The following DLG2 variants were observed in gnomAD, a reference collection of about 807,000 sequenced individuals.
DLG2 encodes disks large homolog 2.
Under a neutral mutation model 132.5 loss-of-function variants are expected in DLG2, and 45 were observed. That is an observed-to-expected ratio of 0.34 (90% CI 0.27 to 0.44). DLG2 has a LOEUF of 0.44. Ranked by LOEUF, DLG2 falls within the 20% of genes least tolerant of loss-of-function variation. The pLI is 1.00. For synonymous variants in DLG2, 424 were observed against 419.6 expected (o/e 1.01, Z -0.13); for missense variants, 1,045 against 1,196.9 (o/e 0.87, Z 1.87).
At chr11:83,870,779 C>T (rs553884545) in intron 16 of DLG2, among the ~76,000 whole-genome samples, 1 of 152,308 alleles carries the variant, frequency 6.6e-6, no homozygotes, top group South Asian at 2.1e-4. Flanking sequence ...TCTGTTGTCA[C>T]TACCCTAACG....
intron 6 of DLG2, among the ~76,000 whole-genome samples, chr11:84,752,193 T>C (rs1030943788): frequency 6.6e-6 from 1 of 152,194 alleles, no homozygotes; most frequent in African/African-American, 2.4e-5. Context: ...TTGGATCACT[T>C]AACCTCTTCA....
intron 4 of DLG2, among the ~76,000 whole-genome samples, chr11:85,279,651 C>T (rs545892537): frequency 1.3e-5 from 2 of 151,850 alleles, no homozygotes; most frequent in African/African-American, 2.4e-5. Context: ...CAAATCCATA[C>T]GAAGTAATTA....
chr11:85,258,407 C>T (rs776475923), intron 4 of DLG2, among the ~76,000 whole-genome samples: 20 of 151,994 alleles, frequency 1.3e-4, no homozygotes, highest in Admixed American at 2.6e-4. Context: ...AAATATTCAA[C>T]TCAAAGTATT....
At chr11:83,739,191 T>C (rs1489403697) in intron 18 of DLG2, among the ~76,000 whole-genome samples, 2 of 152,164 alleles carry the variant, frequency 1.3e-5, no homozygotes, top group Non-Finnish European at 2.9e-5. Context: ...TGGGTTAAGA[T>C]AATTTGAATC....
At chr11:85,096,674 G>C (rs936218681) in intron 6 of DLG2, among the ~76,000 whole-genome samples, 2 of 151,888 alleles carry the variant, frequency 1.3e-5, no homozygotes, top group Non-Finnish European at 2.9e-5. Context: ...ACATTTTGGC[G>C]ACCATGAAGG....
chr11:84,558,738 C>G (rs139669688), intron 6 of DLG2, among the ~76,000 whole-genome samples: 2 of 152,154 alleles, frequency 1.3e-5, no homozygotes, highest in Non-Finnish European at 2.9e-5. Context: ...TCCACCTACG[C>G]CAAATTCCGT....
intron 19 of DLG2, among the ~76,000 whole-genome samples, chr11:83,595,631 C>G (rs555786986): frequency 6.6e-6 from 1 of 152,198 alleles, no homozygotes; most frequent in South Asian, 2.1e-4. Flanking sequence ...GTTACTGATG[C>G]GGTCTCAGGC....
rs139986778 is a variant in DLG2, at chr11:84,768,598, C to G, written c.358-233867G>C. Among the ~76,000 whole-genome samples the G allele has an allele frequency of 9.4e-4, 143 of 152,172 alleles. 1 individual carries two copies. Among genetic ancestry groups the G allele is most frequent in the African/African-American group, 3.2e-3 (133 of 41,512 alleles). ...TATATTCATTGGTATATGTCTACCC[C>G]TACATGCAGTGCTAGGTGGATTCAT... On this transcript the variant is annotated intron_variant, in intron 6 of 27. Coordinates refer to ENST00000376104, the MANE Select transcript of DLG2 (RefSeq NM_001142699.3).
At chr11:84,643,283 A>G (rs1248098384) in intron 6 of DLG2, among the ~76,000 whole-genome samples, 1 of 152,160 alleles carries the variant, frequency 6.6e-6, no homozygotes, top group South Asian at 2.1e-4. Context: ...ATGAAGATGT[A>G]ACTTTCTAAA....
At chr11:84,239,084 T>C (rs1339883814) in intron 8 of DLG2, among the ~76,000 whole-genome samples, 1 of 152,218 alleles carries the variant, frequency 6.6e-6, no homozygotes, top group African/African-American at 2.4e-5. Context: ...ACAGTCAAAT[T>C]CAAATAAACA....
At chr11:85,369,683 G>A (rs11234335) in intron 3 of DLG2, among the ~76,000 whole-genome samples, 21,060 of 152,130 alleles carry the variant, frequency 0.14, 1,993 homozygotes, top group Non-Finnish European at 0.21. Flanking sequence ...GCTTGGCAAG[G>A]CTTTGTTTAG....
chr11:84,157,949 T>C (rs1278438912), intron 9 of DLG2, among the ~76,000 whole-genome samples: 3 of 152,160 alleles, frequency 2.0e-5, no homozygotes, highest in Admixed American at 2.0e-4. Flanking sequence ...AATGTCACCA[T>C]GATAACATAA....
Position 83,494,158 on chromosome 11 carries a change from G to C in DLG2, c.2194-9930C>G, listed in dbSNP as rs187781562. ...ACCTGTCACATCATCAAGCTGCTCT[G>C]GCAGGTATTACAGGAACTCAGAGCT... is the stretch of plus-strand genomic sequence containing the variant. On this transcript the variant is annotated intron_variant, in intron 21 of 27. Transcript: ENST00000376104. Among the ~76,000 whole-genome samples, 29 of 151,960 alleles carry C rather than the reference G, an allele frequency of 1.9e-4. No homozygotes were observed. The East Asian group carries it at 4.8e-3, about 25-fold the overall frequency.
chr11:84,532,522 G>A (rs1439316338), intron 7 of DLG2, among the ~76,000 whole-genome samples: 2 of 151,982 alleles, frequency 1.3e-5, no homozygotes, highest in Admixed American at 6.6e-5. Context: ...CATGGACAGG[G>A]TCTCACTTTG....
intron 21 of DLG2, among the ~76,000 whole-genome samples, chr11:83,499,774 CATATAT>C (rs890177890): frequency 7.1e-6 from 1 of 139,930 alleles, no homozygotes. Context: ...AATAAACTCC[CATATAT>C]ATATATTATA....
Position 84,534,582 on chromosome 11 carries a change from A to C in DLG2, c.507T>G (p.Ile169Met), listed in dbSNP as rs1247938717. Reference protein sequence around the residue: ...NVHGYVLQSHISPLKASPAPI... With the variant: ...NVHGYVLQSHMSPLKASPAPI... ...CAATATAACTGACCTTCAGAGGAGAAATATGAGACTGCAAGACATATCCAT... is the reference window on the plus strand; with the variant it reads ...CAATATAACTGACCTTCAGAGGAGACATATGAGACTGCAAGACATATCCAT... Residue 169 changes from isoleucine (I) to methionine (M), a missense_variant, in exon 7 of 28, where the codon ATT (isoleucine) becomes ATG (methionine). Coordinates refer to ENST00000376104, the MANE Select transcript of DLG2 (RefSeq NM_001142699.3). The C allele has an allele frequency of 1.7e-5, 27 of 1,613,958 alleles. No individual in the cohort carries two copies. The highest frequency in any genetic ancestry group is 2.2e-5 in the Non-Finnish European group (26 of 1,179,876).
At chr11:85,253,625 A>G (rs2076513482) in intron 4 of DLG2, among the ~76,000 whole-genome samples, 1 of 152,184 alleles carries the variant, frequency 6.6e-6, no homozygotes, top group African/African-American at 2.4e-5. Context: ...TAGCTCTGCC[A>G]TCCATGGACA....
chr11:83,817,538 G>A (rs1220496660), intron 17 of DLG2, among the ~76,000 whole-genome samples: 1 of 152,114 alleles, frequency 6.6e-6, no homozygotes. Flanking sequence ...ATGAATGTAT[G>A]CCTTTAATTT....
chr11:85,559,642 A>G (rs2077118753), intron 3 of DLG2, among the ~76,000 whole-genome samples: 1 of 151,758 alleles, frequency 6.6e-6, no homozygotes, highest in South Asian at 2.1e-4. Context: ...TAAGTTTGAT[A>G]TAATGGAAAT....
Sources: allele counts gnomAD v4.1 joint callset (sites outside exome capture counted in the v4.1 genomes callset), GRCh38; gene constraint gnomAD v4.1.1; transcripts MANE v1.5; gene names NCBI Gene and HGNC (gene_info 2026-07-23, HGNC 2026-07-21).